Variants in LRRC49 observed in about 807,000 individuals in gnomAD.
LRRC49 encodes leucine-rich repeat-containing protein 49.
LRRC49 carries 50 observed loss-of-function variants against 83.3 expected under a neutral mutation model. The observed-to-expected ratio is 0.60, with a 90% CI of 0.48 to 0.76. The LOEUF (loss-of-function observed/expected upper bound fraction) is 0.76, where lower values mean the gene tolerates loss of function less well. LRRC49 is among the 30% of genes least tolerant of loss of function. The pLI is 0.00. For missense variants in LRRC49, 704 were observed against 809.1 expected (o/e 0.87, Z 1.58); for synonymous variants, 286 against 283.3 (o/e 1.01, Z -0.10).
intron 1 of LRRC49, chr15:70,859,963 C>A (rs2032748191): frequency 6.6e-6 from 5 of 762,962 alleles, no homozygotes; most frequent in Middle Eastern, 3.6e-4. Context: ...AGACCACCAG[C>A]GGCTATGCAG....
At chr15:70,889,180 C>A (rs1056154663), upstream of LRRC49, among the ~76,000 whole-genome samples, 113 of 152,002 alleles carry the variant, frequency 7.4e-4, no homozygotes, top group African/African-American at 2.6e-3. Context: ...TGGGTAAAAA[C>A]CCAAATGTTC....
intron 3 of LRRC49, among the ~76,000 whole-genome samples, chr15:70,896,803 C>A (rs1276968167): frequency 6.6e-6 from 1 of 152,032 alleles, no homozygotes; most frequent in Non-Finnish European, 1.5e-5. Flanking sequence ...GGTTAATTTT[C>A]TCTCTCTTTT....
At chr15:70,874,514 G>C (rs1485174318) in intron 2 of LRRC49, among the ~76,000 whole-genome samples, 1 of 152,302 alleles carries the variant, frequency 6.6e-6, no homozygotes, top group Admixed American at 6.5e-5. Context: ...GGTGGAAGAA[G>C]GTTGACAGTC....
intron 14 of LRRC49, among the ~76,000 whole-genome samples, chr15:71,025,034 A>AC (rs2039117565): frequency 1.3e-5 from 2 of 152,342 alleles, no homozygotes; most frequent in African/African-American, 4.8e-5. Flanking sequence ...ATCTCTGAGA[A>AC]CTATGGGATT....
chr15:70,872,226 T>A (rs1288235705), intron 1 of LRRC49, among the ~76,000 whole-genome samples: 1 of 152,134 alleles, frequency 6.6e-6, no homozygotes, highest in Non-Finnish European at 1.5e-5. Context: ...AAACCCCGTC[T>A]CCACCAAAAA....
intron 9 of LRRC49, among the ~76,000 whole-genome samples, chr15:70,975,550 G>A (rs73447514): frequency 0.02 from 2,981 of 152,022 alleles, 108 homozygotes; most frequent in African/African-American, 0.068. Context: ...AAATTTAGCC[G>A]AGTGTGGAGG....
intron 8 of LRRC49, among the ~76,000 whole-genome samples, chr15:70,941,882 T>G (rs1382582282): frequency 1.3e-5 from 2 of 152,208 alleles, no homozygotes; most frequent in African/African-American, 4.8e-5. Flanking sequence ...AAGATTGCCT[T>G]TCTTTAATGG....
chr15:70,894,448 A>G (rs1053166464), intron 2 of LRRC49: 5 of 337,478 alleles, frequency 1.5e-5, no homozygotes, highest in Middle Eastern at 8.4e-4. Flanking sequence ...TATGAATATG[A>G]GATTTTTTTC....
chr15:70,937,874 A>G (rs1437553309), intron 8 of LRRC49, among the ~76,000 whole-genome samples: 1 of 152,126 alleles, frequency 6.6e-6, no homozygotes, highest in African/African-American at 2.4e-5. Context: ...TATATTTTGA[A>G]TGCAACATTC....
rs188571474 is a variant in LRRC49, at chr15:70,999,895, G to A, written c.1170-8484G>A. Reference sequence around the variant, plus strand: ...ACTTAGAAGCCACCTCAGCCCTAGGGAAGCTCCAGGGCAAGTGATACAAAG... The same window carrying A: ...ACTTAGAAGCCACCTCAGCCCTAGGAAAGCTCCAGGGCAAGTGATACAAAG... On this transcript the variant is annotated intron_variant, in intron 11 of 15. Coordinates refer to ENST00000260382, the MANE Select transcript of LRRC49 (RefSeq NM_017691.5). Among the ~76,000 whole-genome samples the A allele has an allele frequency of 1.6e-3, 245 of 152,240 alleles. 2 individuals are homozygous for A. The highest frequency in any genetic ancestry group is 0.01 in the Middle Eastern group (3 of 294).
chr15:70,981,483 T>C (rs1387424045), intron 10 of LRRC49, among the ~76,000 whole-genome samples: 2 of 151,162 alleles, frequency 1.3e-5, no homozygotes, highest in Non-Finnish European at 2.9e-5. Flanking sequence ...ATCCTAGAAC[T>C]TAAAGTATAA....
chr15:70,856,241 G>C (rs1423589018), intron 1 of LRRC49, among the ~76,000 whole-genome samples: 2 of 152,056 alleles, frequency 1.3e-5, no homozygotes, highest in Non-Finnish European at 2.9e-5. Context: ...TACTTGGTGA[G>C]AGTTTTGAAA....
At chr15:70,927,590 C>A (rs2035250468) in intron 7 of LRRC49, among the ~76,000 whole-genome samples, 1 of 152,172 alleles carries the variant, frequency 6.6e-6, no homozygotes, top group African/African-American at 2.4e-5. Context: ...ACATTTTCCT[C>A]CAGAAGGTTT....
At chr15:70,904,408 C>G (rs773188715) in intron 4 of LRRC49, 144 bp from the exon 5 acceptor site, 18 of 520,554 alleles carry the variant, frequency 3.5e-5, no homozygotes, top group Non-Finnish European at 6.2e-5. Flanking sequence ...AAATATAGGT[C>G]GCTTAGTTCA....
At position 71,012,790 on chromosome 15, in the gene LRRC49, TTG is replaced by T. The variant is rs1328967978; in HGVS notation, c.1594-10_1594-9del. Reference sequence around the variant, plus strand: ...GGTGTCATTTTTTTACCCCTTTCTATTGTGTCTCTTCAGGTGACACAGAATGA... The same window carrying T: ...GGTGTCATTTTTTTACCCCTTTCTATTGTCTCTTCAGGTGACACAGAATGA... On this transcript the variant is annotated splice_polypyrimidine_tract_variant and intron_variant, in intron 13 of 15. Transcript: ENST00000260382. 3.4e-6 allele frequency: 5 copies of T among 1,491,280 alleles called. No individual in the cohort carries two copies. The highest frequency in any genetic ancestry group is 4.7e-6 in the Non-Finnish European group (5 of 1,074,722). 92.4% of individuals were successfully genotyped at this position (1,491,280 alleles called of 1,614,324 possible). A position where few individuals can be genotyped will look rare whatever the true frequency, so the allele number is the denominator to read the frequency against.
At chr15:70,951,056 A>T (rs1269462128) in intron 8 of LRRC49, among the ~76,000 whole-genome samples, 4 of 152,154 alleles carry the variant, frequency 2.6e-5, no homozygotes, top group African/African-American at 4.8e-5. Flanking sequence ...TTTGTCAATG[A>T]TCAGGTAGTT....
chr15:70,925,912 T>G (rs1057104732), intron 7 of LRRC49, among the ~76,000 whole-genome samples: 1 of 152,214 alleles, frequency 6.6e-6, no homozygotes, highest in African/African-American at 2.4e-5. Flanking sequence ...CTGATATTTC[T>G]ATCACCTCAG....
rs753948805 is a variant in LRRC49 at position 70,854,128 on chromosome 15, C to T, written c.-299+659C>T. ...CGGCGCCGCCGGGGTCCTCACGCCG[C>T]AAGGCCCAGCCAGCCGGTCGGCAGC... On this transcript the variant is annotated intron_variant, in intron 1 of 16. Coordinates refer to the LRRC49 transcript ENST00000544974. 1.2e-5 allele frequency: 15 copies of T among 1,217,022 alleles called. No individual in the cohort carries two copies. The South Asian group carries it at 4.7e-4, about 38-fold the overall frequency. 75.4% of individuals were successfully genotyped at this position (1,217,022 alleles called of 1,614,324 possible). A position where few individuals can be genotyped will look rare whatever the true frequency, so the allele number is the denominator to read the frequency against.
rs548210179 is a variant in LRRC49 at position 71,048,633 on chromosome 15, A to G, written c.1858-776A>G. On this transcript the variant is annotated intron_variant, in intron 15 of 15. Coordinates refer to ENST00000260382, the MANE Select transcript of LRRC49 (RefSeq NM_017691.5). ...CCATGATTATGCCTTGATACTATTC[A>G]GAAGTATCAATAGCCAAAATAAATG... The G allele has an allele frequency of 8.4e-5, 32 of 379,396 alleles. 1 individual carries two copies. The highest frequency in any genetic ancestry group is 6.3e-4 in the South Asian group (31 of 49,352). 23.5% of individuals were successfully genotyped at this position (379,396 alleles called of 1,614,324 possible).
Sources: gnomAD v4.1 joint callset for allele counts (sites outside exome capture counted in the v4.1 genomes callset) on GRCh38, gnomAD v4.1.1 for gene constraint, MANE v1.5 for transcripts, NCBI Gene and HGNC (gene_info 2026-07-23, HGNC 2026-07-21) for gene names.